ZMIZ2: variants seen among roughly 807,000 people sequenced by gnomAD.
ZMIZ2 encodes the protein zinc finger MIZ domain-containing protein 2.
A neutral mutation model predicts 93.9 loss-of-function variants in ZMIZ2; 26 were observed. That is an observed-to-expected ratio of 0.28 (90% CI 0.20 to 0.38). The LOEUF is 0.38. ZMIZ2 is among the 10% of genes least tolerant of loss of function. The pLI is 1.00. For synonymous variants in ZMIZ2, 485 were observed against 516.4 expected (o/e 0.94, Z 0.82); for missense variants, 1,023 against 1,235.0 (o/e 0.83, Z 2.57).
chr7:44,767,442 G>A, intron 18 of ZMIZ2, 74 bp from the exon 19 acceptor site: 1 of 1,250,182 alleles, frequency 8.0e-7, no homozygotes, highest in South Asian at 1.2e-5. Context: ...GGGCCGGGAT[G>A]TGGTGACAGG....
At position 44,767,920 on chromosome 7, in the gene ZMIZ2, C is replaced by G; in HGVS notation, c.*297C>G. 1 of 478,068 alleles carries G rather than the reference C, an allele frequency of 2.1e-6. No individual in the cohort carries two copies. Among genetic ancestry groups the G allele is most frequent in the South Asian group, 2.1e-5 (1 of 48,536 alleles). 29.6% of individuals were successfully genotyped at this position (478,068 alleles called of 1,614,324 possible). On this transcript the variant is annotated 3_prime_UTR_variant, in exon 19 of 19. Transcript: ENST00000309315. ...CCCTGTCCAGCCTTGTCCACACACA[C>G]ATCTCACGCCCCTGGTCTCACAGCC...
chr7:44,766,266 C>T lies in ZMIZ2; in HGVS notation c.2345C>T (p.Ser782Phe). ...AEFTPGPPPI[S>F]YQSDIPSSLL... The stretch of plus-strand genomic sequence containing the variant: ...TTCACCCCGGGACCACCCCCCATCT[C>T]CTACCAGTCTGACATTCCCAGCAGC... Residue 782 changes from serine to phenylalanine, a missense_variant, in exon 17 of 19, where the codon TCC becomes TTC. Transcript: ENST00000309315. This position sits in a 1 kb window ranked among gnomAD's most constrained non-coding sequence, Gnocchi z 4.4. 2 of 1,598,824 alleles carry T rather than the reference C, an allele frequency of 1.3e-6. No individual in the cohort carries two copies. Among genetic ancestry groups the T allele is most frequent in the Non-Finnish European group, 1.7e-6 (2 of 1,172,378 alleles).
At position 44,757,570 on chromosome 7, in the gene ZMIZ2, C is replaced by T; in HGVS notation, c.552+9C>T. The T allele has an allele frequency of 6.3e-7, 1 of 1,581,118 alleles. No individual in the cohort carries two copies. Among genetic ancestry groups the T allele is most frequent in the Non-Finnish European group, 8.6e-7 (1 of 1,161,102 alleles). On this transcript the variant is annotated intron_variant, in intron 5 of 18. Transcript: ENST00000309315. Reference sequence around the variant, plus strand: ...TGAGCCAGTATGGAGCGGTGAGCCCCCTCAGCAGCTCCTCCCACATGGCAG... The same window carrying T: ...TGAGCCAGTATGGAGCGGTGAGCCCTCTCAGCAGCTCCTCCCACATGGCAG...
Position 44,757,541 on chromosome 7 carries a change from G to C in ZMIZ2, c.532G>C (p.Glu178Gln). ...VAALQEKQSQ[E>Q]LSQYGAMGAG... ...TGCTCTCCAGGAGAAGCAGAGCCAG[G>C]AGCTGAGCCAGTATGGAGCGGTGAG... The change falls in exon 5 of 19, where the codon GAG becomes CAG. Residue 178 changes from glutamate (E) to glutamine (Q), a missense_variant. Around this residue, in one of 3 missense-constraint regions of ZMIZ2, gnomAD observed 656 missense variants for 777.1 expected, o/e 0.84. Transcript: ENST00000309315. The C allele has an allele frequency of 6.2e-7, 1 of 1,607,972 alleles. No homozygotes were observed. Among genetic ancestry groups the C allele is most frequent in the East Asian group, 2.2e-5 (1 of 44,756 alleles).
Position 44,758,187 on chromosome 7 carries a change from A to T in ZMIZ2, c.813+79A>T, listed in dbSNP as rs976745237. The T allele has an allele frequency of 4.2e-6, 6 of 1,440,628 alleles. No individual in the cohort carries two copies. In the South Asian group the frequency reaches 9.8e-5, roughly 24 times the overall value. 89.2% of individuals were successfully genotyped at this position (1,440,628 alleles called of 1,614,324 possible). The stretch of plus-strand genomic sequence containing the variant: ...GGCACTCTTTAGAGCTGTGGTAAAG[A>T]GCAGGCTTCTGGCTGGGCATGGTGG... On this transcript the variant is annotated intron_variant, in intron 6 of 18. Coordinates refer to ENST00000309315, the MANE Select transcript of ZMIZ2 (RefSeq NM_031449.4).
Position 44,761,312 on chromosome 7 carries a change from G to GC in ZMIZ2, c.1241-136dup. On this transcript the variant is annotated intron_variant, in intron 9 of 18. Coordinates refer to ENST00000309315, the MANE Select transcript of ZMIZ2 (RefSeq NM_031449.4). The surrounding 1 kb of genome is among the most constrained non-coding windows in gnomAD (Gnocchi z 5.8). ...CCAGGGCACCACTCAGGCCTGCCAA[G>GC]CAGTGCCTGACAGGAGGGGCTCCCT... 1 of 1,389,620 alleles carries GC rather than the reference G, an allele frequency of 7.2e-7. No individual in the cohort carries two copies. The highest frequency in any genetic ancestry group is 9.6e-7 in the Non-Finnish European group (1 of 1,043,736). 86.1% of individuals were successfully genotyped at this position (1,389,620 alleles called of 1,614,324 possible).
At position 44,761,659 on chromosome 7, in the gene ZMIZ2, C is replaced by G. The variant is rs759197161; in HGVS notation, c.1386-36C>G. Reference sequence around the variant, plus strand: ...TGTTCCTCCTCCCACACTCTCAGGGCCCGTTTTCTGGGTGTCCACCCATCT... The same window carrying G: ...TGTTCCTCCTCCCACACTCTCAGGGGCCGTTTTCTGGGTGTCCACCCATCT... On this transcript the variant is annotated intron_variant, in intron 10 of 18. Transcript: ENST00000309315. The surrounding 1 kb of genome is among the most constrained non-coding windows in gnomAD (Gnocchi z 5.8). 3.7e-6 allele frequency: 6 copies of G among 1,613,486 alleles called. No individual in the cohort carries two copies. Among genetic ancestry groups the G allele is most frequent in the Non-Finnish European group, 5.1e-6 (6 of 1,179,758 alleles).
intron 8 of ZMIZ2, 35 bp from the exon 9 acceptor site, chr7:44,760,390 C>T (rs1047025005): frequency 2.5e-6 from 4 of 1,607,450 alleles, no homozygotes; most frequent in Non-Finnish European, 1.7e-6. Flanking sequence ...TCCACCCTGG[C>T]AATCTGCCTT....
At chr7:44,757,754 G>C in intron 5 of ZMIZ2, 94 bp from the exon 6 acceptor site, 1 of 1,471,826 alleles carries the variant, frequency 6.8e-7, no homozygotes, top group Middle Eastern at 2.6e-4. Flanking sequence ...GAAAGGGTAT[G>C]GTGCCCACAT....
rs1484758396 is a variant in ZMIZ2 at position 44,766,502 on chromosome 7, G to C, written c.2494G>C (p.Gly832Arg). The change falls in exon 18 of 19, where the codon GGT (glycine) becomes CGT (arginine). Residue 832 changes from glycine (G) to arginine (R), a missense_variant. This residue lies in a region of ZMIZ2 where 319 missense variants were observed against 358.8 expected (regional missense o/e 0.89). Transcript: ENST00000309315. The surrounding 1 kb of genome is among the most constrained non-coding windows in gnomAD (Gnocchi z 4.4). ...CACCTCCAACCTTGGGGCCCCTCCAGGTCCCCAGCTGCACCATTCAAACCC... is the reference window on the plus strand; with the variant it reads ...CACCTCCAACCTTGGGGCCCCTCCACGTCCCCAGCTGCACCATTCAAACCC... Reference protein sequence around the residue: ...LHTSNLGAPPGPQLHHSNPPP... With the variant: ...LHTSNLGAPPRPQLHHSNPPP... 1 of 1,614,116 alleles carries C rather than the reference G, an allele frequency of 6.2e-7. No homozygotes were observed. Among genetic ancestry groups the C allele is most frequent in the Non-Finnish European group, 8.5e-7 (1 of 1,180,032 alleles).
rs117178759 is a variant in ZMIZ2 at position 44,769,467 on chromosome 7, C to T, written c.*1844C>T. On this transcript the variant is annotated 3_prime_UTR_variant, in exon 19 of 19. Coordinates refer to ENST00000309315, the MANE Select transcript of ZMIZ2 (RefSeq NM_031449.4). Reference sequence around the variant, plus strand: ...CCTCTGTTTCCAGCTCTTCCGCCCTCTCTGGATGAGGGAACAGAAGTGGAG... The same window carrying T: ...CCTCTGTTTCCAGCTCTTCCGCCCTTTCTGGATGAGGGAACAGAAGTGGAG... 0.012 allele frequency: 1,783 copies of T among 152,910 alleles called. 11 individuals carry two copies. The highest frequency in any genetic ancestry group is 0.018 in the Non-Finnish European group (1,224 of 68,128). 9.5% of individuals were successfully genotyped at this position (152,910 alleles called of 1,614,324 possible).
At position 44,759,391 on chromosome 7, in the gene ZMIZ2, C is replaced by G; in HGVS notation, c.924C>G (p.His308Gln). The change falls in exon 7 of 19, where the codon CAC (histidine) becomes CAG (glutamine). Residue 308 changes from histidine (H) to glutamine (Q), a missense_variant. Physicochemically the swap from His to Gln is conservative, Grantham distance 24. This residue lies in a region of ZMIZ2 where 656 missense variants were observed against 777.1 expected (regional missense o/e 0.84). Coordinates refer to ENST00000309315, the MANE Select transcript of ZMIZ2 (RefSeq NM_031449.4). Reference protein sequence around the residue: ...PPAPSPSYPGHRLPLQQGMTQ... With the variant: ...PPAPSPSYPGQRLPLQQGMTQ... ...CCCCCTCCCCTTCCTACCCTGGGCACAGGCTGCCCCTGCAGCAGGGCATGA... is the reference window on the plus strand; with the variant it reads ...CCCCCTCCCCTTCCTACCCTGGGCAGAGGCTGCCCCTGCAGCAGGGCATGA... 6.2e-7 allele frequency: 1 copy of G among 1,604,574 alleles called. No homozygotes were observed. Among genetic ancestry groups the G allele is most frequent in the Non-Finnish European group, 8.5e-7 (1 of 1,175,872 alleles).
At chr7:44,752,618 A>G (rs1292305275) in intron 1 of ZMIZ2, among the ~76,000 whole-genome samples, 2 of 152,236 alleles carry the variant, frequency 1.3e-5, no homozygotes, top group Non-Finnish European at 2.9e-5. Flanking sequence ...TACACCGTGT[A>G]GCCTCTTGGG....
intron 1 of ZMIZ2, among the ~76,000 whole-genome samples, chr7:44,751,876 C>T (rs1790177319): frequency 6.6e-6 from 1 of 151,818 alleles, no homozygotes; most frequent in African/African-American, 2.4e-5. Context: ...GCAGGAGAAT[C>T]GCTTGAACCT....
chr7:44,759,892 C>T, intron 7 of ZMIZ2: 1 of 543,526 alleles, frequency 1.8e-6, no homozygotes, highest in South Asian at 2.1e-5. Flanking sequence ...TCCCTGGGAG[C>T]CTGGGTGCGC....
chr7:44,754,164 T>C (rs1222701855), intron 1 of ZMIZ2, among the ~76,000 whole-genome samples: 2 of 152,226 alleles, frequency 1.3e-5, no homozygotes, highest in East Asian at 3.8e-4. Context: ...GGCAGGTTCC[T>C]CTGTCCCCCA....
rs1404718435 is a variant in ZMIZ2 at position 44,766,413 on chromosome 7, G to A, written c.2413-8G>A. The A allele has an allele frequency of 1.2e-6, 2 of 1,613,910 alleles. No homozygotes were observed. The highest frequency in any genetic ancestry group is 1.7e-5 in the Admixed American group (1 of 60,004). Reference sequence around the variant, plus strand: ...GCTGTTTTAACAAATTCTTCTCTCTGTCTTCAGATGGCACCAGCAGGTCAC... The same window carrying A: ...GCTGTTTTAACAAATTCTTCTCTCTATCTTCAGATGGCACCAGCAGGTCAC... On this transcript the variant is annotated splice_polypyrimidine_tract_variant and splice_region_variant and intron_variant, in intron 17 of 18. Coordinates refer to ENST00000309315, the MANE Select transcript of ZMIZ2 (RefSeq NM_031449.4). This position sits in a 1 kb window ranked among gnomAD's most constrained non-coding sequence, Gnocchi z 4.4.
chr7:44,757,541 G>A lies in ZMIZ2; in HGVS notation c.532G>A (p.Glu178Lys). 6.2e-7 allele frequency: 1 copy of A among 1,607,972 alleles called. No individual in the cohort carries two copies. The highest frequency in any genetic ancestry group is 1.3e-5 in the African/African-American group (1 of 74,932). The stretch of plus-strand genomic sequence containing the variant: ...TGCTCTCCAGGAGAAGCAGAGCCAG[G>A]AGCTGAGCCAGTATGGAGCGGTGAG... ...VAALQEKQSQ[E>K]LSQYGAMGAG... Residue 178 changes from glutamate to lysine, a missense_variant, in exon 5 of 19, where the codon GAG becomes AAG. Coordinates refer to ENST00000309315, the MANE Select transcript of ZMIZ2 (RefSeq NM_031449.4).
At chr7:44,756,788 C>A in intron 3 of ZMIZ2, 159 bp from the exon 4 acceptor site, 2 of 949,682 alleles carry the variant, frequency 2.1e-6, no homozygotes, top group South Asian at 1.5e-5. Flanking sequence ...CCCAACCTCC[C>A]TGTGGACAGC....
Sources: allele counts gnomAD v4.1 joint callset (sites outside exome capture counted in the v4.1 genomes callset), GRCh38; gene constraint gnomAD v4.1.1; regional missense constraint gnomAD v4.1.1; non-coding constraint Gnocchi (gnomAD v3.1); transcripts MANE v1.5; gene names NCBI Gene and HGNC (gene_info 2026-07-23, HGNC 2026-07-21).